KCNK2: variants seen among roughly 807,000 people sequenced by gnomAD.
KCNK2 encodes the protein potassium channel subfamily K member 2.
In KCNK2, 21 loss-of-function variants were observed where a neutral mutation model predicts 40.5. The observed-to-expected ratio is 0.52, with a 90% CI of 0.37 to 0.75. The LOEUF (loss-of-function observed/expected upper bound fraction) is 0.75, where lower values mean the gene tolerates loss of function less well. KCNK2 is among the 30% of genes least tolerant of loss of function. The pLI, the probability that KCNK2 is intolerant of heterozygous loss-of-function variation, is 0.00. For synonymous variants in KCNK2, 191 were observed against 202.2 expected (o/e 0.94, Z 0.47); for missense variants, 399 against 531.6 (o/e 0.75, Z 2.45).
chr1:215,059,892 G>A (rs1047380736), intron 1 of KCNK2, among the ~76,000 whole-genome samples: 2 of 152,178 alleles, frequency 1.3e-5, no homozygotes, highest in East Asian at 1.9e-4. Context: ...CATGGCTGAC[G>A]TTCTGTGGCA....
At chr1:215,051,557 C>T (rs1335177176) in intron 1 of KCNK2, among the ~76,000 whole-genome samples, 2 of 152,162 alleles carry the variant, frequency 1.3e-5, no homozygotes, top group Non-Finnish European at 2.9e-5. Context: ...TTTCTTATTA[C>T]TGTCTATAAA....
exon 1 of KCNK2, chr1:215,005,878 T>G (rs1457642289): frequency 6.3e-7 from 1 of 1,592,626 alleles, no homozygotes. Flanking sequence ...AAGAACGGCA[T>G]TAAAGATCAA....
At chr1:215,230,371 C>T (rs1666584076) in intron 6 of KCNK2, among the ~76,000 whole-genome samples, 1 of 148,644 alleles carries the variant, frequency 6.7e-6, no homozygotes, top group Non-Finnish European at 1.5e-5. Flanking sequence ...CTAAACATAC[C>T]TAAATATAGA....
intron 1 of KCNK2, among the ~76,000 whole-genome samples, chr1:215,059,460 A>G (rs1312122681): frequency 1.3e-5 from 2 of 152,152 alleles, no homozygotes; most frequent in Admixed American, 6.5e-5. Context: ...AAAATTTGCT[A>G]AGTCAATAGT....
chr1:215,032,324 G>A lies in KCNK2; in HGVS notation c.34+26369G>A, dbSNP rs141553356. Among the ~76,000 whole-genome samples the A allele has an allele frequency of 1.6e-3, 248 of 152,108 alleles. 1 individual carries two copies. Among genetic ancestry groups the A allele is most frequent in the African/African-American group, 5.5e-3 (227 of 41,486 alleles). ...ACTAGGAAGGCTGAGGTGGAGAATCGCTGGGCTCAGTAGTTCAGGGCTGCA... is the reference window on the plus strand; with the variant it reads ...ACTAGGAAGGCTGAGGTGGAGAATCACTGGGCTCAGTAGTTCAGGGCTGCA... On this transcript the variant is annotated intron_variant, in intron 1 of 6. Coordinates refer to the KCNK2 transcript ENST00000391895.
intron 1 of KCNK2, among the ~76,000 whole-genome samples, chr1:215,041,364 A>G (rs2102492664): frequency 6.6e-6 from 1 of 152,322 alleles, no homozygotes; most frequent in African/African-American, 2.4e-5. Flanking sequence ...GGTACATAGT[A>G]TGTGCTAACC....
At chr1:215,202,757 T>A (rs1665133648) in intron 6 of KCNK2, among the ~76,000 whole-genome samples, 1 of 152,160 alleles carries the variant, frequency 6.6e-6, no homozygotes, top group South Asian at 2.1e-4. Context: ...AGCTGTCAAA[T>A]AATAATGGCT....
chr1:215,131,563 A>G (rs1474072974), intron 3 of KCNK2, among the ~76,000 whole-genome samples: 1 of 148,598 alleles, frequency 6.7e-6, no homozygotes, highest in African/African-American at 2.4e-5. Context: ...AATTTAATAT[A>G]ATTATATTTA....
intron 2 of KCNK2, among the ~76,000 whole-genome samples, chr1:215,098,850 T>C (rs1028928471): frequency 6.6e-6 from 1 of 151,970 alleles, no homozygotes; most frequent in African/African-American, 2.4e-5. Flanking sequence ...GGATGGTTTC[T>C]CTGTACAGAG....
upstream of KCNK2, among the ~76,000 whole-genome samples, chr1:215,079,038 T>G (rs991777719): frequency 6.6e-6 from 1 of 152,206 alleles, no homozygotes; most frequent in East Asian, 1.9e-4. Context: ...ATGCTGCTAG[T>G]TGGAGCAGAA....
In KCNK2 at chr1:215,148,049, A is replaced by G. The variant is rs116540139; in HGVS notation, c.476-21150A>G. ...TTAAATGGTTCTGTATTGAAATGAT[A>G]TTTTAATTATTATTTTTTTATTTTC... On this transcript the variant is annotated intron_variant, in intron 3 of 6. Coordinates refer to ENST00000444842, the MANE Select transcript of KCNK2 (RefSeq NM_001017425.3). Among the ~76,000 whole-genome samples, 784 of 131,208 alleles carry G rather than the reference A, an allele frequency of 6.0e-3. 12 individuals are homozygous for G. Among genetic ancestry groups the G allele is most frequent in the African/African-American group, 0.021 (740 of 35,254 alleles). 86.1% of individuals were successfully genotyped at this position (131,208 alleles called of 152,430 possible).
intron 2 of KCNK2, among the ~76,000 whole-genome samples, chr1:215,100,097 C>T (rs140861855): frequency 4.0e-4 from 61 of 151,966 alleles, no homozygotes; most frequent in African/African-American, 1.5e-3. Flanking sequence ...GGTTTGTGTC[C>T]ATGTAGGCAT....
chr1:215,116,144 T>C (rs1660929268), intron 2 of KCNK2, among the ~76,000 whole-genome samples: 1 of 152,050 alleles, frequency 6.6e-6, no homozygotes, highest in Admixed American at 6.6e-5. Flanking sequence ...TTATGTAAAC[T>C]ATGTTAAATG....
chr1:215,015,189 C>G (rs1247795112), intron 1 of KCNK2, among the ~76,000 whole-genome samples: 1 of 152,128 alleles, frequency 6.6e-6, no homozygotes, highest in Non-Finnish European at 1.5e-5. Context: ...TCTCTTATCT[C>G]TAGTGTCTCA....
chr1:215,056,522 A>AG (rs1658172900), intron 1 of KCNK2, among the ~76,000 whole-genome samples: 1 of 119,878 alleles, frequency 8.3e-6, no homozygotes, highest in Non-Finnish European at 1.9e-5. Flanking sequence ...AAAAAAAAAA[A>AG]GAAGAAGAAG....
At chr1:215,175,444 C>A in intron 5 of KCNK2, among the ~76,000 whole-genome samples, 1 of 107,942 alleles carries the variant, frequency 9.3e-6, no homozygotes, top group African/African-American at 2.6e-5. Flanking sequence ...AAATGTCTGC[C>A]TCTGATTTTT....
intron 2 of KCNK2, 32 bp downstream of exon 2, chr1:215,086,710 C>A: frequency 1.3e-6 from 2 of 1,577,150 alleles, no homozygotes; most frequent in South Asian, 1.1e-5. Flanking sequence ...TTACTCTGTT[C>A]CCCCAAATGG....
intron 5 of KCNK2, among the ~76,000 whole-genome samples, chr1:215,174,370 G>A (rs1466642881): frequency 6.6e-6 from 1 of 152,144 alleles, no homozygotes; most frequent in Non-Finnish European, 1.5e-5. Context: ...TTTGGTTATT[G>A]TAGCCTTGTA....
At chr1:215,154,660 C>G (rs1019062414) in intron 3 of KCNK2, among the ~76,000 whole-genome samples, 4 of 152,082 alleles carry the variant, frequency 2.6e-5, no homozygotes, top group Non-Finnish European at 4.4e-5. Flanking sequence ...TTGCCCATGC[C>G]TATGTCCTCA....
Sources: allele counts gnomAD v4.1 joint callset (sites outside exome capture counted in the v4.1 genomes callset), GRCh38; gene constraint gnomAD v4.1.1; transcripts MANE v1.5; gene names NCBI Gene and HGNC (gene_info 2026-07-23, HGNC 2026-07-21).